The following UBXN6 variants were observed in gnomAD, a reference collection of about 807,000 sequenced individuals.
The protein encoded by UBXN6 is UBX domain protein 6.
In UBXN6, 44 loss-of-function variants were observed where a neutral mutation model predicts 51.4. The observed-to-expected ratio is 0.86, with a 90% CI of 0.67 to 1.10. The LOEUF is 1.10. UBXN6 is among the 50% of genes least tolerant of loss of function. The pLI is 0.00. For missense variants in UBXN6, 672 were observed against 596.1 expected (o/e 1.13, Z -1.32); for synonymous variants, 316 against 263.2 (o/e 1.20, Z -1.94).
At position 4,451,083 on chromosome 19, in the gene UBXN6, CTT is replaced by C. The variant is rs908394544; in HGVS notation, c.441+1279_441+1280del. Among the ~76,000 whole-genome samples the C allele has an allele frequency of 9.9e-5, 15 of 152,270 alleles. No homozygotes were observed. In the Middle Eastern group the frequency reaches 0.01, roughly 104 times the overall value. ...TTTGTTTTTAAGATGAAGTTTCGCT[CTT>C]GTCACCCAGTGTCCACGCTGGAGCT... On this transcript the variant is annotated intron_variant, in intron 4 of 10. Transcript: ENST00000301281.
intron 4 of UBXN6, among the ~76,000 whole-genome samples, chr19:4,451,543 A>C (rs1024570145): frequency 6.6e-6 from 1 of 152,090 alleles, no homozygotes; most frequent in Admixed American, 6.6e-5. Context: ...TGGCAGAGAC[A>C]GGGTTTTGCC....
intron 6 of UBXN6, 182 bp from the exon 7 acceptor site, chr19:4,447,102 G>T (rs1974549369): frequency 3.2e-6 from 2 of 628,310 alleles, no homozygotes; most frequent in Admixed American, 2.9e-5. Context: ...GGGGGCTGTG[G>T]AGTCTCCAAC....
At position 4,448,962 on chromosome 19, in the gene UBXN6, G is replaced by A. The variant is rs145191302; in HGVS notation, c.442-547C>T. 95 of 154,872 alleles carry A rather than the reference G, an allele frequency of 6.1e-4. 1 individual carries two copies. Among genetic ancestry groups the A allele is most frequent in the Non-Finnish European group, 1.2e-3 (84 of 69,650 alleles). The allele number at this position is 154,872 out of a possible 1,614,324, so 9.6% of individuals were successfully genotyped here. A position where few individuals can be genotyped will look rare whatever the true frequency, so the allele number is the denominator to read the frequency against. The stretch of plus-strand genomic sequence containing the variant: ...CTCAATGTCTGAAACTCAATAGCTG[G>A]AAGACGGATACCCCCAGCCCCTGCC... On this transcript the variant is annotated intron_variant, in intron 4 of 10. Coordinates refer to ENST00000301281, the MANE Select transcript of UBXN6 (RefSeq NM_025241.3).
Position 4,453,491 on chromosome 19 carries a change from G to T in UBXN6, c.279C>A (p.Val93=), listed in dbSNP as rs762216104. The change falls in exon 3 of 11, where the codon GTC becomes GTA. Residue 93 remains valine, a synonymous_variant. Coordinates refer to ENST00000301281, the MANE Select transcript of UBXN6 (RefSeq NM_025241.3). ...VRKELQAEAT[V]SGSPEAPGTN... Reference sequence around the variant, plus strand: ...TCCCTGGGGCCTCGGGGCTCCCGCTGACGGTGGCTTCGGCTTGAAGTTCCT... The same window carrying T: ...TCCCTGGGGCCTCGGGGCTCCCGCTTACGGTGGCTTCGGCTTGAAGTTCCT... 4.3e-6 allele frequency: 7 copies of T among 1,613,814 alleles called. No homozygotes were observed. The highest frequency in any genetic ancestry group is 5.9e-6 in the Non-Finnish European group (7 of 1,179,960).
chr19:4,445,527 G>C lies in UBXN6; in HGVS notation c.1297C>G (p.Leu433Val). The C allele has an allele frequency of 6.2e-7, 1 of 1,613,968 alleles. No individual in the cohort carries two copies. The highest frequency in any genetic ancestry group is 1.3e-5 in the African/African-American group (1 of 75,060). The change falls in exon 11 of 11, where the codon CTC (leucine) becomes GTC (valine). Residue 433 changes from leucine (L) to valine (V), a missense_variant. Coordinates refer to ENST00000301281, the MANE Select transcript of UBXN6 (RefSeq NM_025241.3). ...AEPDSILKPE[L>V]LSAIEKLL ...AAGAGCTTCTCGATGGCTGACAGGA[G>C]CTCGGGTTTCAGGATGGAGTCCGGC...
In UBXN6 at chr19:4,445,641, C is replaced by T. The variant is rs762610877; in HGVS notation, c.1201-18G>A. Reference sequence around the variant, plus strand: ...GAGGGCACCTGCGGTAGGGGTAGGCCGTCACTCTGAGACCGAGAGTCGGCC... The same window carrying T: ...GAGGGCACCTGCGGTAGGGGTAGGCTGTCACTCTGAGACCGAGAGTCGGCC... On this transcript the variant is annotated intron_variant, in intron 10 of 10. Transcript: ENST00000301281. The T allele has an allele frequency of 1.2e-5, 19 of 1,609,552 alleles. 1 individual carries two copies. In the Middle Eastern group the frequency reaches 5.2e-4, roughly 44 times the overall value.
intron 4 of UBXN6, chr19:4,450,833 A>C (rs1472913384): frequency 1.3e-5 from 2 of 151,062 alleles, no homozygotes; most frequent in Admixed American, 6.6e-5. Context: ...CTACTAAATA[A>C]TGTAGAAAGG....
At chr19:4,451,518 A>AT (rs961591225) in intron 4 of UBXN6, among the ~76,000 whole-genome samples, 20 of 151,546 alleles carry the variant, frequency 1.3e-4, no homozygotes, top group Middle Eastern at 6.8e-3. Context: ...ATGCCCAGCT[A>AT]TTTTTTTTTG....
At chr19:4,452,081 G>A (rs148839817) in intron 4 of UBXN6, among the ~76,000 whole-genome samples, 20 of 151,506 alleles carry the variant, frequency 1.3e-4, no homozygotes, top group African/African-American at 3.4e-4. Context: ...TCCAGGAGGC[G>A]GAGGTTGTAG....
intron 6 of UBXN6, 189 bp downstream of exon 6, chr19:4,447,361 C>T (rs945609714): frequency 1.5e-5 from 9 of 615,344 alleles, no homozygotes; most frequent in African/African-American, 7.3e-5. Context: ...TTGGGGTGAC[C>T]GGTGCATAAA....
At chr19:4,449,995 C>T (rs999347453) in intron 4 of UBXN6, 2 of 151,890 alleles carry the variant, frequency 1.3e-5, no homozygotes, top group Non-Finnish European at 2.9e-5. Context: ...TTTGGGAGGC[C>T]GAGGCGGTCG....
chr19:4,446,506 C>G lies in UBXN6; in HGVS notation c.914G>C (p.Arg305Thr), dbSNP rs375118398. The G allele has an allele frequency of 6.8e-6, 11 of 1,608,086 alleles. No homozygotes were observed. The African/African-American group carries it at 8.0e-5, about 12-fold the overall frequency. Residue 305 changes from arginine (R) to threonine (T), a missense_variant, in exon 8 of 11, where the codon AGG becomes ACG. By Grantham distance (71) the Arg-to-Thr change is moderately conservative. Transcript: ENST00000301281. ...CCGCGGACGTCAGGCCCACCTGAGC[C>G]TCTGCTCCCGCTTGATCTCCTCTGC... ...LTAEEIKREQ[R>T]LRSEAVERLS... is the part of the protein sequence containing the mutation.
intron 10 of UBXN6, 122 bp downstream of exon 10, chr19:4,445,927 G>C (rs2145166675): frequency 6.9e-7 from 1 of 1,457,342 alleles, no homozygotes; most frequent in South Asian, 1.4e-5. Context: ...TTCAAACCCA[G>C]GGACCTGCCC....
intron 1 of UBXN6, among the ~76,000 whole-genome samples, chr19:4,457,027 T>G (rs1047523447): frequency 1.3e-5 from 2 of 151,794 alleles, no homozygotes; most frequent in African/African-American, 2.4e-5. Context: ...AGATACCAAA[T>G]CCAGAACCCC....
intron 1 of UBXN6, among the ~76,000 whole-genome samples, chr19:4,456,407 A>C (rs926826622): frequency 1.9e-4 from 18 of 93,540 alleles, no homozygotes; most frequent in East Asian, 5.6e-4. Flanking sequence ...ACTTCCTGCC[A>C]CCTCCCTGCC....
chr19:4,452,293 G>C, intron 4 of UBXN6, 71 bp downstream of exon 4: 1 of 1,578,828 alleles, frequency 6.3e-7, no homozygotes, highest in Non-Finnish European at 8.6e-7. Flanking sequence ...TACCACCTGG[G>C]CTTCCGATGG....
intron 5 of UBXN6, chr19:4,447,944 A>G (rs992536101): frequency 8.1e-6 from 4 of 493,710 alleles, no homozygotes; most frequent in South Asian, 4.4e-5. Context: ...GAAGGGCCGC[A>G]GTGCCAGCAG....
chr19:4,447,164 G>A (rs1002254229), intron 6 of UBXN6: 6 of 593,966 alleles, frequency 1.0e-5, no homozygotes, highest in South Asian at 2.0e-5. Flanking sequence ...TGAGGCTGAG[G>A]AGCCAGACAC....
At position 4,452,414 on chromosome 19, in the gene UBXN6, T is replaced by G. The variant is rs751237087; in HGVS notation, c.391A>C (p.Thr131Pro). 6.2e-7 allele frequency: 1 copy of G among 1,612,986 alleles called. No homozygotes were observed. The highest frequency in any genetic ancestry group is 8.5e-7 in the Non-Finnish European group (1 of 1,179,966). The change falls in exon 4 of 11, where the codon ACC becomes CCC. Residue 131 changes from threonine to proline, a missense_variant. Thr to Pro is a conservative substitution (Grantham distance 38). Coordinates refer to ENST00000301281, the MANE Select transcript of UBXN6 (RefSeq NM_025241.3). ...GCGTCCCGCTGGTCCTTCCTCAGGG[T>G]GGCCCCAGTGAGCGGACAGGTGAAG... ...VYFTCPLTGA[T>P]LRKDQRDACI...
Sources: allele counts gnomAD v4.1 joint callset (sites outside exome capture counted in the v4.1 genomes callset), GRCh38; gene constraint gnomAD v4.1.1; transcripts MANE v1.5; gene names NCBI Gene and HGNC (gene_info 2026-07-23, HGNC 2026-07-21).